Variants in SETD1B observed in about 807,000 individuals in gnomAD.
The protein encoded by SETD1B is histone-lysine N-methyltransferase SETD1B.
A neutral mutation model predicts 148.0 loss-of-function variants in SETD1B; 7 were observed. That is an observed-to-expected ratio of 0.05 (90% CI 0.03 to 0.09). The LOEUF is 0.09. Ranked by LOEUF, SETD1B falls within the 10% of genes least tolerant of loss-of-function variation. The probability of loss-of-function intolerance (pLI) is 1.00; values close to 1 mark genes in which losing one functional copy is unlikely to be tolerated. For synonymous variants in SETD1B, 1,361 were observed against 1,186.5 expected (o/e 1.15, Z -3.02); for missense variants, 2,155 against 2,729.9 (o/e 0.79, Z 4.69).
the SETD1B span, chr12:121,793,029 G>T: frequency 2.4e-6 from 2 of 827,838 alleles, no homozygotes; most frequent in Non-Finnish European, 1.9e-6. Flanking sequence ...GCCTCCAGGA[G>T]TGAAGAGCCG....
chr12:121,802,991 A>AGCCGCGCGCTGATTGGCT (rs1328503401), upstream of SETD1B: 10 of 152,262 alleles, frequency 6.6e-5, no homozygotes, highest in African/African-American at 1.9e-4. Flanking sequence ...GCCCTATAGA[A>AGCCGCGCGCTGATTGGCT]GCCGCGCGCT....
At chr12:121,796,677 G>A in the SETD1B span, among the ~76,000 whole-genome samples, 6 of 152,224 alleles carry the variant, frequency 3.9e-5, no homozygotes, top group Admixed American at 3.3e-4. Context: ...TCGGGGACAG[G>A]CCAGAGACAA....
At chr12:121,793,663 G>C in the SETD1B span, 25 of 1,510,822 alleles carry the variant, frequency 1.7e-5, 1 homozygote, top group South Asian at 2.3e-4. Context: ...TGGCGGCGGC[G>C]CGCCGGGCAC....
chr12:121,806,189 C>A (rs1443931340), intron 4 of SETD1B, 84 bp downstream of exon 4: 15 of 1,426,954 alleles, frequency 1.1e-5, no homozygotes, highest in East Asian at 2.5e-5. Flanking sequence ...TGGGGAGGAC[C>A]CCCCCTCACT....
intron 6 of SETD1B, among the ~76,000 whole-genome samples, chr12:121,811,694 CAG>C (rs970896924): frequency 1.5e-4 from 23 of 152,154 alleles, no homozygotes; most frequent in African/African-American, 5.3e-4. Context: ...GGGGCTTAGA[CAG>C]AGCTCTGCGT....
Position 121,819,785 on chromosome 12 carries a change from A to G in SETD1B, c.3800A>G (p.Glu1267Gly). ...VGVEEPADSR[E>G]PPEEPGLSQE... ...GTTGAAGAGCCAGCGGACTCCAGGGAGCCGCCTGAGGAACCAGGCCTGAGC... is the reference window on the plus strand; with the variant it reads ...GTTGAAGAGCCAGCGGACTCCAGGGGGCCGCCTGAGGAACCAGGCCTGAGC... Residue 1267 changes from glutamate to glycine, a missense_variant, in exon 11 of 17, where the codon GAG becomes GGG. This residue lies in a region of SETD1B where 862 missense variants were observed against 873.8 expected (regional missense o/e 0.99). Transcript: ENST00000604567. 6.4e-7 allele frequency: 1 copy of G among 1,551,546 alleles called. No individual in the cohort carries two copies. Among genetic ancestry groups the G allele is most frequent in the Non-Finnish European group, 8.7e-7 (1 of 1,146,954 alleles).
chr12:121,793,400 G>T, the SETD1B span: 3 of 1,493,184 alleles, frequency 2.0e-6, no homozygotes, highest in East Asian at 4.9e-5. Context: ...GCGGCCGCCT[G>T]TCCGTGCTCG....
intron 12 of SETD1B, 101 bp from the exon 13 acceptor site, chr12:121,825,099 T>A: frequency 8.1e-7 from 1 of 1,230,594 alleles, no homozygotes; most frequent in African/African-American, 1.5e-5. Context: ...GAACTGGACA[T>A]CGCTGTCCCT....
chr12:121,812,977 C>T (rs74320985), intron 6 of SETD1B, among the ~76,000 whole-genome samples: 2 of 152,050 alleles, frequency 1.3e-5, no homozygotes, highest in African/African-American at 4.8e-5. Flanking sequence ...AAGGTCCCCC[C>T]ACCCCAAGTC....
rs1439197481 is a variant in SETD1B, at chr12:121,805,592, C to T, written c.274-243C>T. Among the ~76,000 whole-genome samples the T allele has an allele frequency of 6.6e-6, 1 of 151,952 alleles. No individual in the cohort carries two copies. The highest frequency in any genetic ancestry group is 1.5e-5 in the Non-Finnish European group (1 of 67,990). On this transcript the variant is annotated intron_variant, in intron 3 of 16. Transcript: ENST00000604567. This position sits in a 1 kb window ranked among gnomAD's most constrained non-coding sequence, Gnocchi z 4.2. ...GGGGAAAGAGAAACTGTTTCTTTTT[C>T]CCCTTTCCTTCCGAACCCAGAGGAC... is the stretch of plus-strand genomic sequence containing the variant.
chr12:121,803,846 C>T (rs1278639231), upstream of SETD1B: 1 of 152,482 alleles, frequency 6.6e-6, no homozygotes, highest in Non-Finnish European at 1.5e-5. The surrounding 1 kb of genome is among the most constrained non-coding windows in gnomAD (Gnocchi z 4.7). Context: ...TGGGAGCGCG[C>T]GAGTGAGGGG....
In SETD1B at chr12:121,817,554, G is replaced by T. The variant is rs1261546459; in HGVS notation, c.3162G>T (p.Gly1054=). 1 of 1,551,536 alleles carries T rather than the reference G, an allele frequency of 6.4e-7. No homozygotes were observed. Among genetic ancestry groups the T allele is most frequent in the Non-Finnish European group, 8.7e-7 (1 of 1,146,878 alleles). Residue 1054 remains glycine, a synonymous_variant, in exon 9 of 17, where the codon GGG becomes GGT. Coordinates refer to ENST00000604567, the MANE Select transcript of SETD1B (RefSeq NM_001353345.2). This position sits in a 1 kb window ranked among gnomAD's most constrained non-coding sequence, Gnocchi z 8.1. ...CCTCATCCGCGTCATCATCCTCGGG[G>T]TCCTCAACCACCTCACCCTCGTCCT... ...SSSSSASSSS[G]SSTTSPSSSA... is the part of the protein sequence containing the mutation.
At chr12:121,798,741 A>T in the SETD1B span, among the ~76,000 whole-genome samples, 1 of 152,224 alleles carries the variant, frequency 6.6e-6, no homozygotes, top group South Asian at 2.1e-4. Flanking sequence ...AGGTGGTGTG[A>T]TCAGGAGCAC....
intron 13 of SETD1B, among the ~76,000 whole-genome samples, chr12:121,827,311 G>A (rs1490991834): frequency 4.6e-5 from 7 of 152,152 alleles, no homozygotes; most frequent in Non-Finnish European, 1.0e-4. Flanking sequence ...AGTGAGTCTC[G>A]TCGTTTTGAA....
At chr12:121,818,027 T>A in intron 10 of SETD1B, 123 bp downstream of exon 10, 1 of 935,242 alleles carries the variant, frequency 1.1e-6, no homozygotes, top group Non-Finnish European at 1.6e-6. Context: ...GTTACCTTGT[T>A]AAAACACACA....
At chr12:121,822,072 A>G (rs1046938402) in intron 11 of SETD1B, among the ~76,000 whole-genome samples, 1 of 152,232 alleles carries the variant, frequency 6.6e-6, no homozygotes, top group Non-Finnish European at 1.5e-5. Flanking sequence ...AAATAAAAAA[A>G]TAAGTAAATT....
chr12:121,826,826 G>A (rs182104091), intron 13 of SETD1B, among the ~76,000 whole-genome samples: 5 of 152,030 alleles, frequency 3.3e-5, no homozygotes, highest in Non-Finnish European at 7.4e-5. Flanking sequence ...AGGGATGGGC[G>A]GGGGGTGACA....
intron 12 of SETD1B, 37 bp from the exon 13 acceptor site, chr12:121,825,163 T>G: frequency 6.5e-7 from 1 of 1,546,582 alleles, no homozygotes; most frequent in Non-Finnish European, 8.7e-7. Context: ...CAGAAGGGGC[T>G]CTCAGAATGT....
the SETD1B span, among the ~76,000 whole-genome samples, chr12:121,798,256 G>A: frequency 6.6e-6 from 1 of 152,230 alleles, no homozygotes. Context: ...CCCCATCATG[G>A]AACAGCCCCT....
Sources: gnomAD v4.1 joint callset for allele counts (sites outside exome capture counted in the v4.1 genomes callset) on GRCh38, gnomAD v4.1.1 for gene constraint, gnomAD v4.1.1 regional missense constraint, Gnocchi (gnomAD v3.1) non-coding constraint, MANE v1.5 for transcripts, NCBI Gene and HGNC (gene_info 2026-07-23, HGNC 2026-07-21) for gene names.